The following SKIL variants were observed in gnomAD, a reference collection of about 807,000 sequenced individuals.
SKIL encodes the protein SKI like proto-oncogene.
Under a neutral mutation model 69.6 loss-of-function variants are expected in SKIL, and 20 were observed. The ratio of observed to expected loss-of-function variants is 0.29; its 90% CI spans 0.20 to 0.42. SKIL has a LOEUF of 0.42. SKIL is among the 10% of genes least tolerant of loss of function. The pLI is 1.00. For synonymous variants in SKIL, 310 were observed against 279.9 expected, an observed-to-expected ratio of 1.11 and a Z score of -1.08; for missense variants, 745 against 783.1, an observed-to-expected ratio of 0.95 and a Z score of 0.58.
intron 4 of SKIL, among the ~76,000 whole-genome samples, chr3:170,386,387 C>CCCAA (rs1380777016): frequency 6.6e-6 from 1 of 151,342 alleles, no homozygotes; most frequent in East Asian, 2.0e-4. Context: ...GCCTCGGCCT[C>CCCAA]CCAAAGTGCT....
At chr3:170,380,379 ATGCCTGTAATCCC>A (rs1737272616) in intron 2 of SKIL, among the ~76,000 whole-genome samples, 1 of 152,186 alleles carries the variant, frequency 6.6e-6, no homozygotes, top group Non-Finnish European at 1.5e-5. Context: ...TCAGTGGCTC[ATGCCTGTAATCCC>A]TGCACTTTGG....
At chr3:170,369,082 AT>A (rs55652320) in intron 2 of SKIL, among the ~76,000 whole-genome samples, 2,882 of 126,446 alleles carry the variant, frequency 0.023, 22 homozygotes, top group East Asian at 0.078. Flanking sequence ...TATCCCTGGC[AT>A]TTTTTTTTTT....
At position 170,392,307 on chromosome 3, in the gene SKIL, GA is replaced by G. The variant is rs1315862691; in HGVS notation, c.1947del (p.Glu649AspfsTer16). 1 of 1,613,602 alleles carries G rather than the reference GA, an allele frequency of 6.2e-7. No homozygotes were observed. Among genetic ancestry groups the G allele is most frequent in the Non-Finnish European group, 8.5e-7 (1 of 1,179,658 alleles). Reference protein sequence around the residue: ...RLDHAEADRQELQDELRQERE... With the variant: ...RLDHAEADRQXLQDELRQERE... ...GGACCATGCTGAGGCCGATAGGCAA[GA>G]ACTCCAAGATGAACTCAGACAGGAA... On this transcript the variant is annotated frameshift_variant, in exon 7 of 7. Coordinates refer to ENST00000259119, the MANE Select transcript of SKIL (RefSeq NM_005414.5). LOFTEE classifies it high-confidence loss of function.
chr3:170,365,404 T>C (rs1034526852), intron 2 of SKIL, among the ~76,000 whole-genome samples: 2 of 152,224 alleles, frequency 1.3e-5, no homozygotes, highest in Non-Finnish European at 2.9e-5. Flanking sequence ...ACTTTTTGAA[T>C]GCTGACATGG....
At chr3:170,368,777 G>A (rs1239866976) in intron 2 of SKIL, among the ~76,000 whole-genome samples, 1 of 152,118 alleles carries the variant, frequency 6.6e-6, no homozygotes. Flanking sequence ...AATGAAGTGT[G>A]CAAGAAGAAA....
intron 2 of SKIL, among the ~76,000 whole-genome samples, chr3:170,378,045 C>T (rs1737122500): frequency 6.6e-6 from 1 of 151,970 alleles, no homozygotes; most frequent in South Asian, 2.1e-4. Context: ...AGGTGCGTAC[C>T]ACCACACCTG....
At position 170,385,300 on chromosome 3, in the gene SKIL, C is replaced by T. The variant is rs575219565; in HGVS notation, c.1429+535C>T. The stretch of plus-strand genomic sequence containing the variant: ...GTAGAGATGGTCTTGGTATGTTGCT[C>T]AAGCTGGTCTCGAACTCCTGGGCTC... On this transcript the variant is annotated intron_variant, in intron 4 of 6. Transcript: ENST00000259119. Among the ~76,000 whole-genome samples the T allele has an allele frequency of 3.4e-5, 5 of 145,992 alleles. No individual in the cohort carries two copies. The South Asian group carries it at 1.1e-3, about 32-fold the overall frequency.
intron 2 of SKIL, 100 bp from the exon 3 acceptor site, chr3:170,381,144 T>C (rs777429082): frequency 2.9e-5 from 21 of 714,080 alleles, no homozygotes; most frequent in African/African-American, 8.7e-5. Flanking sequence ...TCTTAAATAA[T>C]GTTAGTTGTC....
Position 170,384,663 on chromosome 3 carries a change from A to G in SKIL, c.1327A>G (p.Ser443Gly), listed in dbSNP as rs1365002414. The change falls in exon 4 of 7, where the codon AGT (serine) becomes GGT (glycine). Residue 443 changes from serine (S) to glycine (G), a missense_variant. Transcript: ENST00000259119. ...ATCAAGACAGTCAGAGAAGGCTCAC[A>G]GTAGTGGTAAACTTCAAAAAACAGT... Reference protein sequence around the residue: ...SISRQSEKAHSSGKLQKTVSY... With the variant: ...SISRQSEKAHGSGKLQKTVSY... 5.6e-6 allele frequency: 9 copies of G among 1,612,346 alleles called. No individual in the cohort carries two copies. In the African/African-American group the frequency reaches 9.3e-5, roughly 17 times the overall value.
At chr3:170,374,149 T>C (rs1479371929) in intron 2 of SKIL, among the ~76,000 whole-genome samples, 2 of 152,204 alleles carry the variant, frequency 1.3e-5, no homozygotes, top group Admixed American at 6.5e-5. Context: ...TGCAGAAATT[T>C]AGAGAAACTT....
At chr3:170,391,377 G>A in intron 6 of SKIL, 117 bp downstream of exon 6, 1 of 628,246 alleles carries the variant, frequency 1.6e-6, no homozygotes, top group Non-Finnish European at 2.8e-6. Flanking sequence ...GAGTGCAGTG[G>A]CACAATCTCA....
chr3:170,358,155 A>T (rs1736030637), intron 1 of SKIL, among the ~76,000 whole-genome samples: 2 of 152,042 alleles, frequency 1.3e-5, no homozygotes, highest in Admixed American at 1.3e-4. Context: ...CCGGCGGCGC[A>T]GGGATCCGCG....
rs750937072 is a variant in SKIL at position 170,360,441 on chromosome 3, A to C, written c.110A>C (p.His37Pro). Residue 37 changes from histidine to proline, a missense_variant, in exon 2 of 7, where the codon CAT becomes CCT. Transcript: ENST00000259119. ...GCGAAAAAAATGATAACGGACATTC[A>C]TGCAAATGGAAAAACGATAAACAAG... is the stretch of plus-strand genomic sequence containing the variant. ...PPAKKMITDI[H>P]ANGKTINKVP... 6.2e-7 allele frequency: 1 copy of C among 1,613,968 alleles called. No individual in the cohort carries two copies.
intron 2 of SKIL, among the ~76,000 whole-genome samples, chr3:170,366,698 C>CACACAGACACACAG (rs769947832): frequency 5.4e-5 from 8 of 148,082 alleles, no homozygotes; most frequent in Non-Finnish European, 1.0e-4. Context: ...CACACACAGA[C>CACACAGACACACAG]ACACACACAC....
Position 170,360,027 on chromosome 3 carries a change from CTTTAT to C in SKIL, c.-300_-296del, listed in dbSNP as rs1319240686. ...ACATCTTTAATTGAGAAATTGGTAA[CTTTAT>C]TTTAATATGTATATCTGAAGAATTC... On this transcript the variant is annotated 5_prime_UTR_variant, in exon 2 of 7. Transcript: ENST00000259119. The C allele has an allele frequency of 8.7e-6, 2 of 230,150 alleles. No homozygotes were observed. Among genetic ancestry groups the C allele is most frequent in the African/African-American group, 2.3e-5 (1 of 44,084 alleles). The allele number at this position is 230,150 out of a possible 1,614,324, so 14.3% of individuals were successfully genotyped here. A position where few individuals can be genotyped will look rare whatever the true frequency, so the allele number is the denominator to read the frequency against.
rs1376363090 is a variant in SKIL, at chr3:170,395,219, G to C, written c.*2802G>C. Reference sequence around the variant, plus strand: ...GGTAATAAATGTAAAACCTCTTGCTGTTATTGAGGAAGCTCTTCAACTACC... The same window carrying C: ...GGTAATAAATGTAAAACCTCTTGCTCTTATTGAGGAAGCTCTTCAACTACC... On this transcript the variant is annotated 3_prime_UTR_variant, in exon 7 of 7. Coordinates refer to ENST00000259119, the MANE Select transcript of SKIL (RefSeq NM_005414.5). The C allele has an allele frequency of 1.3e-5, 2 of 152,084 alleles. No homozygotes were observed. The highest frequency in any genetic ancestry group is 2.4e-5 in the African/African-American group (1 of 41,424). 9.4% of individuals were successfully genotyped at this position (152,084 alleles called of 1,614,324 possible). A position where few individuals can be genotyped will look rare whatever the true frequency, so the allele number is the denominator to read the frequency against.
Position 170,361,220 on chromosome 3 carries a change from A to G in SKIL, c.889A>G (p.Met297Val), listed in dbSNP as rs1341104878. The G allele has an allele frequency of 4.3e-6, 7 of 1,614,170 alleles. No homozygotes were observed. In the South Asian group the frequency reaches 7.7e-5, roughly 18 times the overall value. ...TATTCAATGTCTGGAGTGTTGTGGA[A>G]TGTTTGCACCCCAGACGTTTGTGAT... ...PCIQCLECCG[M>V]FAPQTFVMHS... The change falls in exon 2 of 7, where the codon ATG becomes GTG. Residue 297 changes from methionine (M) to valine (V), a missense_variant. Transcript: ENST00000259119.
intron 2 of SKIL, among the ~76,000 whole-genome samples, chr3:170,364,144 G>A (rs1188199447): frequency 1.3e-5 from 2 of 151,862 alleles, no homozygotes; most frequent in Non-Finnish European, 2.9e-5. Flanking sequence ...GTAGAGAGGG[G>A]GTTTCACCAT....
chr3:170,395,468 T>C lies in SKIL; in HGVS notation c.*3051T>C, dbSNP rs1738143837. 6.6e-6 allele frequency: 1 copy of C among 152,112 alleles called. No individual in the cohort carries two copies. The highest frequency in any genetic ancestry group is 1.9e-4 in the East Asian group (1 of 5,198). 9.4% of individuals were successfully genotyped at this position (152,112 alleles called of 1,614,324 possible). ...TACATAGCGAATTGTAAAGCAGCTA[T>C]TAAAGTAGGTGAAATAAAGTATATA... is the stretch of plus-strand genomic sequence containing the variant. On this transcript the variant is annotated 3_prime_UTR_variant, in exon 7 of 7. Transcript: ENST00000259119.
Sources: allele counts gnomAD v4.1 joint callset (sites outside exome capture counted in the v4.1 genomes callset), GRCh38; gene constraint gnomAD v4.1.1; transcripts MANE v1.5; gene names NCBI Gene and HGNC (gene_info 2026-07-23, HGNC 2026-07-21).